RBFOX1: variants seen among roughly 807,000 people sequenced by gnomAD.
RBFOX1 encodes RNA binding protein fox-1 homolog 1.
Under a neutral mutation model 57.7 loss-of-function variants are expected in RBFOX1, and 8 were observed. The ratio of observed to expected loss-of-function variants is 0.14; its 90% CI spans 0.08 to 0.25. The LOEUF is 0.25. Ranked by LOEUF, RBFOX1 falls within the 10% of genes least tolerant of loss-of-function variation. RBFOX1 has a pLI of 1.00. For synonymous variants in RBFOX1, 326 were observed against 222.4 expected, an observed-to-expected ratio of 1.47 and a Z score of -4.15; for missense variants, 611 against 548.5, an observed-to-expected ratio of 1.11 and a Z score of -1.14.
chr16:5,286,061 C>T (rs1161627140), intron 1 of RBFOX1, among the ~76,000 whole-genome samples: 3 of 152,192 alleles, frequency 2.0e-5, no homozygotes, highest in Non-Finnish European at 4.4e-5. Flanking sequence ...TGAACCACCA[C>T]ACCTGGCCAG....
chr16:5,496,702 C>T (rs576224480), intron 2 of RBFOX1, among the ~76,000 whole-genome samples: 2 of 152,152 alleles, frequency 1.3e-5, no homozygotes, highest in Non-Finnish European at 2.9e-5. Context: ...GGTTTCTGTA[C>T]TGAACTCCCT....
At chr16:7,231,619 C>G (rs1603410947) in intron 4 of RBFOX1, among the ~76,000 whole-genome samples, 1 of 152,028 alleles carries the variant, frequency 6.6e-6, no homozygotes, top group African/African-American at 2.4e-5. Flanking sequence ...TCATTACAGC[C>G]AAAAAGCAAA....
Position 6,019,953 on chromosome 16 carries a change from C to T in RBFOX1, c.-166C>T. ...CGCACGGGAATTCGGGGGTCTGGGG[C>T]CGAGAACGTGACCGCAGCCGGGCTC... is the stretch of plus-strand genomic sequence containing the variant. On this transcript the variant is annotated 5_prime_UTR_variant, in exon 1 of 16. Coordinates refer to ENST00000550418, the MANE Select transcript of RBFOX1 (RefSeq NM_018723.4). The surrounding 1 kb of genome is among the most constrained non-coding windows in gnomAD (Gnocchi z 4.2). The T allele has an allele frequency of 6.5e-7, 1 of 1,532,620 alleles. No homozygotes were observed. The highest frequency in any genetic ancestry group is 8.7e-7 in the Non-Finnish European group (1 of 1,144,848). 94.9% of individuals were successfully genotyped at this position (1,532,620 alleles called of 1,614,324 possible). A position where few individuals can be genotyped will look rare whatever the true frequency, so the allele number is the denominator to read the frequency against.
chr16:7,527,764 T>G (rs766994969), intron 5 of RBFOX1, among the ~76,000 whole-genome samples: 1 of 152,152 alleles, frequency 6.6e-6, no homozygotes, highest in African/African-American at 2.4e-5. Context: ...TAGTAAACAT[T>G]CTACCAGATC....
chr16:7,133,883 C>T (rs35015906), intron 4 of RBFOX1, among the ~76,000 whole-genome samples: 33 of 152,172 alleles, frequency 2.2e-4, no homozygotes, highest in South Asian at 4.2e-4. Flanking sequence ...AAAAAATATA[C>T]AGCTAAACAG....
intron 1 of RBFOX1, among the ~76,000 whole-genome samples, chr16:5,406,281 C>G (rs140127712): frequency 6.6e-6 from 1 of 152,040 alleles, no homozygotes; most frequent in African/African-American, 2.4e-5. Flanking sequence ...CAGCAGATGG[C>G]TGTACTCTAC....
intron 4 of RBFOX1, among the ~76,000 whole-genome samples, chr16:5,895,458 T>G (rs891152099): frequency 6.6e-6 from 1 of 152,224 alleles, no homozygotes; most frequent in African/African-American, 2.4e-5. Flanking sequence ...TGTCACTGAC[T>G]GAAGAAGAAA....
rs564808628 is a variant in RBFOX1 at position 6,839,438 on chromosome 16, A to G, written c.-16+184788A>G. Among the ~76,000 whole-genome samples the G allele has an allele frequency of 1.8e-4, 28 of 152,302 alleles. No homozygotes were observed. In the South Asian group the frequency reaches 5.8e-3, roughly 32 times the overall value. On this transcript the variant is annotated intron_variant, in intron 3 of 15. Coordinates refer to ENST00000550418, the MANE Select transcript of RBFOX1 (RefSeq NM_018723.4). ...CGACAGACTCAATAAACACCCTGAA[A>G]TTTAACATGCTTCTGCTATCTGCTG... is the stretch of plus-strand genomic sequence containing the variant.
At chr16:6,850,776 G>T (rs1438567775) in intron 3 of RBFOX1, among the ~76,000 whole-genome samples, 1 of 152,144 alleles carries the variant, frequency 6.6e-6, no homozygotes, top group East Asian at 1.9e-4. Context: ...TTGCTGGTGG[G>T]AATGTCAAAT....
At chr16:6,287,990 C>T (rs1485213581) in intron 1 of RBFOX1, among the ~76,000 whole-genome samples, 2 of 152,186 alleles carry the variant, frequency 1.3e-5, no homozygotes, top group South Asian at 2.1e-4. Flanking sequence ...GTGCATTTTG[C>T]GTACTTCAAC....
chr16:6,871,816 C>T (rs901066400), intron 3 of RBFOX1, among the ~76,000 whole-genome samples: 2 of 151,992 alleles, frequency 1.3e-5, no homozygotes, highest in African/African-American at 4.8e-5. Context: ...TGTCAGTGGC[C>T]CTCAAAGTGC....
chr16:7,145,805 G>T (rs924203604), intron 4 of RBFOX1, among the ~76,000 whole-genome samples: 7 of 152,092 alleles, frequency 4.6e-5, no homozygotes, highest in Admixed American at 4.6e-4. Flanking sequence ...CTCTCTGTTT[G>T]TGTTCCCGCA....
intron 4 of RBFOX1, among the ~76,000 whole-genome samples, chr16:7,263,383 G>A (rs747250583): frequency 5.9e-5 from 9 of 152,154 alleles, no homozygotes; most frequent in Non-Finnish European, 1.3e-4. Context: ...CAGGAGACTA[G>A]AAGACATTGA....
intron 4 of RBFOX1, among the ~76,000 whole-genome samples, chr16:7,354,147 T>C (rs1304004421): frequency 6.6e-6 from 1 of 151,874 alleles, no homozygotes; most frequent in African/African-American, 2.4e-5. Flanking sequence ...ATTTTTGTAG[T>C]TTTAGTAGAG....
chr16:7,675,869 G>A (rs1397610111), intron 13 of RBFOX1, among the ~76,000 whole-genome samples: 1 of 152,146 alleles, frequency 6.6e-6, no homozygotes, highest in African/African-American at 2.4e-5. Context: ...CTGTTTAACT[G>A]TGCTGAGTTC....
In RBFOX1 at chr16:5,275,998, C is replaced by T. The variant is rs533823317; in HGVS notation, c.219+35893C>T. Among the ~76,000 whole-genome samples, 265 of 152,314 alleles carry T rather than the reference C, an allele frequency of 1.7e-3. 3 individuals carry two copies. Among genetic ancestry groups the T allele is most frequent in the Middle Eastern group, 3.4e-3 (1 of 294 alleles). ...GCAAGCCACATGTAAAAGAATAAAA[C>T]TGGATCCTCATCTCTCACCTTATAC... On this transcript the variant is annotated intron_variant, in intron 1 of 2. Coordinates refer to the RBFOX1 transcript ENST00000585867.
intron 4 of RBFOX1, among the ~76,000 whole-genome samples, chr16:7,277,151 A>C (rs1053861821): frequency 7.2e-5 from 11 of 152,218 alleles, no homozygotes; most frequent in Admixed American, 4.6e-4. Context: ...AAACATTAAA[A>C]AGTTGGATTT....
At chr16:5,688,438 C>T (rs2050569471) in intron 3 of RBFOX1, among the ~76,000 whole-genome samples, 1 of 152,206 alleles carries the variant, frequency 6.6e-6, no homozygotes, top group African/African-American at 2.4e-5. Flanking sequence ...CTCATGTTGC[C>T]TGCAAGAATT....
chr16:6,193,602 C>T (rs976757027), intron 1 of RBFOX1, among the ~76,000 whole-genome samples: 25 of 151,410 alleles, frequency 1.7e-4, no homozygotes, highest in African/African-American at 5.8e-4. Context: ...AAAGAATAAA[C>T]ACAATAAAAC....
Sources: gnomAD v4.1 joint callset for allele counts (sites outside exome capture counted in the v4.1 genomes callset) on GRCh38, gnomAD v4.1.1 for gene constraint, Gnocchi (gnomAD v3.1) non-coding constraint, MANE v1.5 for transcripts, NCBI Gene and HGNC (gene_info 2026-07-23, HGNC 2026-07-21) for gene names.